ZNF385D: variants seen among roughly 807,000 people sequenced by gnomAD.
ZNF385D encodes zinc finger protein 385D, also known as zinc finger protein 659.
A neutral mutation model predicts 35.8 loss-of-function variants in ZNF385D; 15 were observed. That is an observed-to-expected ratio of 0.42 (90% CI 0.28 to 0.64). The LOEUF (loss-of-function observed/expected upper bound fraction) is 0.64, where lower values mean the gene tolerates loss of function less well. ZNF385D is among the 30% of genes least tolerant of loss of function. ZNF385D has a pLI of 0.23. For synonymous variants in ZNF385D, 212 were observed against 186.8 expected (o/e 1.13, Z -1.10); for missense variants, 474 against 494.6 (o/e 0.96, Z 0.39).
At chr3:21,806,154 CCT>C (rs764675393) in intron 3 of ZNF385D, among the ~76,000 whole-genome samples, 4 of 151,952 alleles carry the variant, frequency 2.6e-5, no homozygotes, top group Non-Finnish European at 4.4e-5. Flanking sequence ...CCTTTCTCCC[CCT>C]CTCTTTCACT....
chr3:21,625,507 T>C (rs1257041740), intron 2 of ZNF385D, among the ~76,000 whole-genome samples: 2 of 152,110 alleles, frequency 1.3e-5, no homozygotes, highest in Non-Finnish European at 2.9e-5. Context: ...CTGATGGCTA[T>C]AGAAACACAC....
intron 2 of ZNF385D, among the ~76,000 whole-genome samples, chr3:22,365,806 G>A (rs116002420): frequency 3.9e-5 from 6 of 152,018 alleles, no homozygotes; most frequent in African/African-American, 9.7e-5. Flanking sequence ...GAACCCCATA[G>A]CATCCTCTGA....
chr3:21,693,020 C>T (rs115651264), intron 1 of ZNF385D, among the ~76,000 whole-genome samples: 1 of 152,022 alleles, frequency 6.6e-6, no homozygotes, highest in Non-Finnish European at 1.5e-5. Context: ...ACCTCTTTGC[C>T]ATCTTTTCCA....
rs28397612 is a variant in ZNF385D, at chr3:21,619,604, A to G, written c.165+45282T>C. ...GTTTAACACTAGCACTATTATAGAG[A>G]GAGACTCTTCCGTTAGAAACTCCTT... is the stretch of plus-strand genomic sequence containing the variant. On this transcript the variant is annotated intron_variant, in intron 2 of 7. Transcript: ENST00000281523. Among the ~76,000 whole-genome samples, 1,115 of 152,246 alleles carry G rather than the reference A, an allele frequency of 7.3e-3. 15 individuals are homozygous for G. Among genetic ancestry groups the G allele is most frequent in the African/African-American group, 0.025 (1,031 of 41,538 alleles).
At chr3:21,961,776 C>A (rs1702609873) in intron 3 of ZNF385D, among the ~76,000 whole-genome samples, 1 of 152,036 alleles carries the variant, frequency 6.6e-6, no homozygotes, top group Non-Finnish European at 1.5e-5. Context: ...CTGAAGAATA[C>A]ACACAAATCC....
At chr3:22,067,236 TTA>T (rs1264055413) in intron 3 of ZNF385D, among the ~76,000 whole-genome samples, 1 of 152,224 alleles carries the variant, frequency 6.6e-6, no homozygotes, top group African/African-American at 2.4e-5. Flanking sequence ...TTCTTTTCTT[TTA>T]TGACTGGAGA....
chr3:21,953,526 G>A (rs1702157175), intron 3 of ZNF385D, among the ~76,000 whole-genome samples: 1 of 151,848 alleles, frequency 6.6e-6, no homozygotes, highest in African/African-American at 2.4e-5. Context: ...TTTATCAAAT[G>A]GCTAAAATAC....
intron 2 of ZNF385D, among the ~76,000 whole-genome samples, chr3:21,570,673 C>T (rs1316141792): frequency 6.6e-6 from 1 of 152,062 alleles, no homozygotes; most frequent in Non-Finnish European, 1.5e-5. Context: ...AATTTTTATC[C>T]TAAGTTACTG....
intron 3 of ZNF385D, among the ~76,000 whole-genome samples, chr3:21,981,883 C>A (rs1160978146): frequency 6.6e-6 from 1 of 151,910 alleles, no homozygotes; most frequent in African/African-American, 2.4e-5. Flanking sequence ...AGATATGTGG[C>A]CTTATTTCTG....
At chr3:21,679,571 A>G (rs2066835643) in intron 1 of ZNF385D, among the ~76,000 whole-genome samples, 1 of 152,078 alleles carries the variant, frequency 6.6e-6, no homozygotes, top group Non-Finnish European at 1.5e-5. Context: ...AGAGAGAAGA[A>G]ATGAAAATGG....
chr3:21,977,348 A>G (rs1485147918), intron 3 of ZNF385D, among the ~76,000 whole-genome samples: 1 of 152,202 alleles, frequency 6.6e-6, no homozygotes, highest in Non-Finnish European at 1.5e-5. Flanking sequence ...TTTGTTTTTA[A>G]TTAAAGCTTG....
At chr3:22,251,435 C>T (rs963438231) in intron 2 of ZNF385D, among the ~76,000 whole-genome samples, 1 of 152,158 alleles carries the variant, frequency 6.6e-6, no homozygotes, top group Non-Finnish European at 1.5e-5. Flanking sequence ...ACCCCTTCCT[C>T]AACACCTCTT....
intron 4 of ZNF385D, among the ~76,000 whole-genome samples, chr3:21,503,011 C>A (rs946711777): frequency 6.6e-6 from 1 of 152,168 alleles, no homozygotes; most frequent in Non-Finnish European, 1.5e-5. Flanking sequence ...ACAATTTCCA[C>A]ATTGATAAGA....
intron 3 of ZNF385D, among the ~76,000 whole-genome samples, chr3:21,917,589 G>A (rs1255976511): frequency 2.0e-5 from 3 of 152,184 alleles, no homozygotes; most frequent in African/African-American, 7.2e-5. Flanking sequence ...TTCATGTACT[G>A]AAGCTGTGCT....
intron 3 of ZNF385D, among the ~76,000 whole-genome samples, chr3:21,832,166 CTA>C (rs1695036168): frequency 6.6e-6 from 1 of 152,092 alleles, no homozygotes. Context: ...ACAATACTCA[CTA>C]TGTTAATAAA....
intron 3 of ZNF385D, among the ~76,000 whole-genome samples, chr3:22,080,754 G>T (rs1446900161): frequency 2.6e-5 from 4 of 152,028 alleles, no homozygotes; most frequent in Admixed American, 2.6e-4. Context: ...GCCTTTGGGG[G>T]GCAATTAGAT....
intron 2 of ZNF385D, among the ~76,000 whole-genome samples, chr3:21,635,881 T>C (rs924284890): frequency 6.6e-6 from 1 of 152,116 alleles, no homozygotes; most frequent in African/African-American, 2.4e-5. Context: ...GCTGCAAATG[T>C]CATTAATTAT....
chr3:21,663,919 T>TATATATATATATATATATATATATATATA (rs1201308131), intron 2 of ZNF385D, among the ~76,000 whole-genome samples: 2 of 39,296 alleles, frequency 5.1e-5, no homozygotes, highest in African/African-American at 9.5e-5. Flanking sequence ...ATATATATAT[T>TATATATATATATATATATATATATATATA]TATTTATTTA....
intron 4 of ZNF385D, among the ~76,000 whole-genome samples, chr3:21,444,874 G>A (rs17008777): frequency 0.01 from 1,542 of 152,292 alleles, 28 homozygotes; most frequent in African/African-American, 0.035. Context: ...CAGGTTGCCA[G>A]GACAGAGCAC....
Sources: gnomAD v4.1 joint callset for allele counts (sites outside exome capture counted in the v4.1 genomes callset) on GRCh38, gnomAD v4.1.1 for gene constraint, MANE v1.5 for transcripts, NCBI Gene and HGNC (gene_info 2026-07-23, HGNC 2026-07-21) for gene names.